PPFIBP2: variants seen among roughly 807,000 people sequenced by gnomAD.
PPFIBP2 encodes PPFIB scaffold protein 2, also known as liprin-beta-2.
PPFIBP2 carries 118 observed loss-of-function variants against 118.3 expected under a neutral mutation model. The observed-to-expected ratio is 1.00, with a 90% CI of 0.86 to 1.16. The LOEUF (loss-of-function observed/expected upper bound fraction) is 1.16. Among genes scored for constraint, PPFIBP2 ranks in the 50% most tolerant of loss-of-function variants. The pLI is 0.00. For synonymous variants in PPFIBP2, 414 were observed against 397.4 expected, an observed-to-expected ratio of 1.04 and a Z score of -0.50; for missense variants, 1,195 against 1,073.1, an observed-to-expected ratio of 1.11 and a Z score of -1.59.
Position 7,597,736 on chromosome 11 carries a change from G to C in PPFIBP2, c.486+63G>C, listed in dbSNP as rs533166778. The C allele has an allele frequency of 1.1e-4, 148 of 1,312,348 alleles. 1 individual carries two copies. The South Asian group carries it at 1.8e-3, about 16-fold the overall frequency. The allele number at this position is 1,312,348 out of a possible 1,614,324, so 81.3% of individuals were successfully genotyped here. ...GCAGCTCATGTGCTGAAGCCCCTTTGTGTGCCCAGGCTACAGCCCTCGCTG... is the reference window on the plus strand; with the variant it reads ...GCAGCTCATGTGCTGAAGCCCCTTTCTGTGCCCAGGCTACAGCCCTCGCTG... On this transcript the variant is annotated intron_variant, in intron 5 of 23. Transcript: ENST00000299492.
intron 2 of PPFIBP2, among the ~76,000 whole-genome samples, chr11:7,553,628 C>A (rs1853247791): frequency 6.6e-6 from 1 of 152,110 alleles, no homozygotes; most frequent in Non-Finnish European, 1.5e-5. Context: ...TTCTTCTGAG[C>A]CTCAATTTAC....
chr11:7,577,173 G>A (rs1388804195), intron 3 of PPFIBP2: 2 of 164,308 alleles, frequency 1.2e-5, no homozygotes, highest in Admixed American at 1.2e-4. Flanking sequence ...TATTATCACT[G>A]AGAATGGTCC....
At chr11:7,583,588 G>C (rs895253578) in intron 3 of PPFIBP2, among the ~76,000 whole-genome samples, 1 of 152,174 alleles carries the variant, frequency 6.6e-6, no homozygotes, top group African/African-American at 2.4e-5. Flanking sequence ...TATTTCTGCA[G>C]CCCAGTGCTG....
the PPFIBP2 span, chr11:7,666,094 G>T: frequency 2.4e-4 from 155 of 637,082 alleles, 3 homozygotes; most frequent in South Asian, 2.7e-3. Context: ...TGTGGTGGCC[G>T]TAAGCAGAAG....
intron 1 of PPFIBP2, among the ~76,000 whole-genome samples, chr11:7,514,505 G>C (rs1174352956): frequency 1.3e-5 from 2 of 152,254 alleles, no homozygotes; most frequent in Admixed American, 1.3e-4. Flanking sequence ...CGTGGACTAG[G>C]GAGCCTAAGG....
At chr11:7,540,499 C>G (rs1188750141) in intron 1 of PPFIBP2, among the ~76,000 whole-genome samples, 1 of 152,054 alleles carries the variant, frequency 6.6e-6, no homozygotes, top group Non-Finnish European at 1.5e-5. Flanking sequence ...TGGGTCCCAC[C>G]CATTGTGAGA....
intron 17 of PPFIBP2, among the ~76,000 whole-genome samples, chr11:7,645,984 AATT>A (rs1441367542): frequency 6.6e-6 from 1 of 152,240 alleles, no homozygotes; most frequent in African/African-American, 2.4e-5. Flanking sequence ...ATTTGAGAGA[AATT>A]ATTCTTTCTT....
intron 7 of PPFIBP2, among the ~76,000 whole-genome samples, chr11:7,621,901 A>G (rs114204783): frequency 1.6e-3 from 237 of 152,344 alleles, no homozygotes; most frequent in African/African-American, 5.2e-3. Flanking sequence ...TATAAAAACA[A>G]TAACACACAC....
At chr11:7,557,145 C>T (rs1853725459) in intron 2 of PPFIBP2, among the ~76,000 whole-genome samples, 2 of 152,142 alleles carry the variant, frequency 1.3e-5, no homozygotes, top group South Asian at 2.1e-4. Flanking sequence ...TCTCTGTTTG[C>T]AGCATTCTTC....
chr11:7,619,842 C>T (rs1849128694), intron 6 of PPFIBP2, among the ~76,000 whole-genome samples: 1 of 152,206 alleles, frequency 6.6e-6, no homozygotes, highest in Non-Finnish European at 1.5e-5. Flanking sequence ...GTTGAGCATT[C>T]CACTTGGCAC....
At chr11:7,639,599 T>A in intron 14 of PPFIBP2, 133 bp from the exon 15 acceptor site, 3 of 1,144,148 alleles carry the variant, frequency 2.6e-6, no homozygotes, top group Non-Finnish European at 3.9e-6. Flanking sequence ...CTAAATAATC[T>A]TTGAGGGGTG....
chr11:7,596,354 A>T (rs1193438248), intron 4 of PPFIBP2, among the ~76,000 whole-genome samples: 2 of 151,438 alleles, frequency 1.3e-5, no homozygotes, highest in Non-Finnish European at 2.9e-5. Context: ...GTTTGCGTGT[A>T]AGGTGGACCA....
chr11:7,583,273 C>T (rs978717462), intron 3 of PPFIBP2, among the ~76,000 whole-genome samples: 3 of 152,250 alleles, frequency 2.0e-5, no homozygotes, highest in South Asian at 2.1e-4. Context: ...TCTTGTGACC[C>T]GAGGAGCAGC....
At chr11:7,570,133 C>A (rs1855491890) in intron 3 of PPFIBP2, among the ~76,000 whole-genome samples, 1 of 112,932 alleles carries the variant, frequency 8.9e-6, no homozygotes, top group African/African-American at 3.5e-5. Context: ...GTCTCTACCC[C>A]TCCACACCTG....
At position 7,628,348 on chromosome 11, in the gene PPFIBP2, T is replaced by A; in HGVS notation, c.888+2T>A. ...TTGCTGCTTGCCAATGAAGATAAGG[T>A]AAGATGGTCATTGGGTAGCCCTGTC... On this transcript the variant is annotated splice_donor_variant, in intron 9 of 23. Transcript: ENST00000299492. LOFTEE classifies it high-confidence loss of function. 6.2e-7 allele frequency: 1 copy of A among 1,613,642 alleles called. No individual in the cohort carries two copies. The highest frequency in any genetic ancestry group is 8.5e-7 in the Non-Finnish European group (1 of 1,179,624).
At chr11:7,666,363 AAAAC>A in the PPFIBP2 span, 1 of 869,970 alleles carries the variant, frequency 1.1e-6, no homozygotes, top group Non-Finnish European at 1.9e-6. Context: ...CTACAAAACT[AAAAC>A]AAAACAAAGA....
chr11:7,656,257 G>A (rs1854676816), downstream of PPFIBP2, among the ~76,000 whole-genome samples: 1 of 152,210 alleles, frequency 6.6e-6, no homozygotes, highest in Non-Finnish European at 1.5e-5. Context: ...CCATCACTGA[G>A]CCTATTGGCT....
intron 3 of PPFIBP2, chr11:7,577,582 G>C (rs766622751): frequency 2.2e-6 from 1 of 456,676 alleles, no homozygotes; most frequent in South Asian, 1.5e-5. Flanking sequence ...GCTGACATGG[G>C]TGCCCAGCAT....
rs779555415 is a variant in PPFIBP2 at position 7,634,410 on chromosome 11, G to A, written c.1137-85G>A. 32 of 1,076,770 alleles carry A rather than the reference G, an allele frequency of 3.0e-5. No homozygotes were observed. The East Asian group carries it at 6.4e-4, about 22-fold the overall frequency. 66.7% of individuals were successfully genotyped at this position (1,076,770 alleles called of 1,614,324 possible). On this transcript the variant is annotated intron_variant, in intron 12 of 23. Transcript: ENST00000299492. ...CTTTGAACCTAAGCCCAAGACCATC[G>A]GTTAAGCATTTGAAATGTCCTCTGC... is the stretch of plus-strand genomic sequence containing the variant.
Sources: allele counts gnomAD v4.1 joint callset (sites outside exome capture counted in the v4.1 genomes callset), GRCh38; gene constraint gnomAD v4.1.1; transcripts MANE v1.5; gene names NCBI Gene and HGNC (gene_info 2026-07-23, HGNC 2026-07-21).